The following TXNRD3 variants were observed in gnomAD, a reference collection of about 807,000 sequenced individuals.
TXNRD3 encodes TXNRD3 neighbor gene protein.
Under a neutral mutation model 78.2 loss-of-function variants are expected in TXNRD3, and 68 were observed. The ratio of observed to expected loss-of-function variants is 0.87; its 90% CI spans 0.72 to 1.06. The LOEUF (loss-of-function observed/expected upper bound fraction) is 1.06, where lower values mean the gene tolerates loss of function less well. Ranked by LOEUF, TXNRD3 falls within the 50% of genes least tolerant of loss-of-function variation. The probability of loss-of-function intolerance (pLI) is 0.00; values close to 1 mark genes in which losing one functional copy is unlikely to be tolerated. For missense variants in TXNRD3, 751 were observed against 809.5 expected (o/e 0.93, Z 0.88); for synonymous variants, 296 against 300.1 (o/e 0.99, Z 0.14).
chr3:126,638,000 G>A (rs1165985496), intron 6 of TXNRD3, among the ~76,000 whole-genome samples: 2 of 126,400 alleles, frequency 1.6e-5, no homozygotes, highest in Admixed American at 1.9e-4. Context: ...CTGGAGAGCA[G>A]TGGCATGATC....
chr3:126,647,904 T>A (rs1933279304), intron 1 of TXNRD3, among the ~76,000 whole-genome samples: 1 of 152,192 alleles, frequency 6.6e-6, no homozygotes, highest in Admixed American at 6.5e-5. Flanking sequence ...AAAGGCATCC[T>A]AACTGGAAAA....
chr3:126,608,755 C>A, intron 14 of TXNRD3, 122 bp from the exon 15 acceptor site: 1 of 1,115,630 alleles, frequency 9.0e-7, no homozygotes, highest in Non-Finnish European at 1.2e-6. Flanking sequence ...ACTTCAATGT[C>A]AAAGTGAGCA....
intron 1 of TXNRD3, among the ~76,000 whole-genome samples, chr3:126,654,546 C>T (rs1463289537): frequency 6.6e-6 from 1 of 152,146 alleles, no homozygotes; most frequent in African/African-American, 2.4e-5. Context: ...GTCGAGGTCA[C>T]GCAATTAGGA....
chr3:126,634,126 G>T, intron 6 of TXNRD3, 75 bp from the exon 7 acceptor site: 9 of 1,296,492 alleles, frequency 6.9e-6, no homozygotes, highest in Non-Finnish European at 8.9e-6. Flanking sequence ...AACCACACAT[G>T]AGCCATACTA....
intron 10 of TXNRD3, 59 bp downstream of exon 10, chr3:126,629,320 C>T: frequency 1.7e-6 from 2 of 1,197,440 alleles, no homozygotes; most frequent in South Asian, 3.1e-5. Flanking sequence ...CCATAAGTTT[C>T]ATTTCTGTTA....
intron 1 of TXNRD3, among the ~76,000 whole-genome samples, chr3:126,654,014 T>A (rs966938091): frequency 6.6e-6 from 1 of 151,424 alleles, no homozygotes; most frequent in African/African-American, 2.4e-5. Context: ...TATATATATT[T>A]GGTAAAAATG....
At chr3:126,641,932 G>A in intron 6 of TXNRD3, 100 bp downstream of exon 6, 1 of 1,334,950 alleles carries the variant, frequency 7.5e-7, no homozygotes, top group Non-Finnish European at 9.9e-7. Flanking sequence ...TTCATTAAAT[G>A]AATTACGAAC....
At chr3:126,618,819 A>G (rs1938375852) in intron 12 of TXNRD3, among the ~76,000 whole-genome samples, 2 of 151,136 alleles carry the variant, frequency 1.3e-5, no homozygotes, top group African/African-American at 4.9e-5. Flanking sequence ...TCCATCTGAG[A>G]AGGTGCTAAT....
At chr3:126,625,600 T>C (rs1938561794) in intron 10 of TXNRD3, among the ~76,000 whole-genome samples, 1 of 152,114 alleles carries the variant, frequency 6.6e-6, no homozygotes, top group South Asian at 2.1e-4. Flanking sequence ...TTGTGAATAG[T>C]GCTGCAATAA....
chr3:126,620,546 T>C (rs1938428122), intron 12 of TXNRD3, among the ~76,000 whole-genome samples: 1 of 152,080 alleles, frequency 6.6e-6, no homozygotes, highest in African/African-American at 2.4e-5. Context: ...CACATACACA[T>C]ATTCAGAAAA....
At chr3:126,641,963 A>C in intron 6 of TXNRD3, 69 bp downstream of exon 6, 1 of 1,429,000 alleles carries the variant, frequency 7.0e-7, no homozygotes, top group Non-Finnish European at 9.2e-7. Context: ...AAATATGAAT[A>C]CCAAGTCTTT....
chr3:126,644,080 C>T lies in TXNRD3; in HGVS notation c.520-27G>A, dbSNP rs767346286. 3.4e-5 allele frequency: 52 copies of T among 1,533,436 alleles called. No individual in the cohort carries two copies. In the African/African-American group the frequency reaches 4.9e-4, roughly 15 times the overall value. 95.0% of individuals were successfully genotyped at this position (1,533,436 alleles called of 1,614,324 possible). A position where few individuals can be genotyped will look rare whatever the true frequency, so the allele number is the denominator to read the frequency against. ...TACAAACGAACAACAACAAAAATTA[C>T]GTATAAAGATCTTGTCACTTTCCTG... On this transcript the variant is annotated intron_variant, in intron 4 of 15. Transcript: ENST00000524230.
At position 126,629,402 on chromosome 3, in the gene TXNRD3, T is replaced by A; in HGVS notation, c.1267A>T (p.Thr423Ser). The change falls in exon 10 of 16, where the codon ACA becomes TCA. Residue 423 changes from threonine to serine, a missense_variant. Coordinates refer to ENST00000524230, the MANE Select transcript of TXNRD3 (RefSeq NM_052883.3). Reference sequence around the variant, plus strand: ...ACTGTGTTATAGACTCCTTCAATTGTTTCTGTTCCTTCAGTGGATTTAGCC... The same window carrying A: ...ACTGTGTTATAGACTCCTTCAATTGATTCTGTTCCTTCAGTGGATTTAGCC... 1 of 1,535,578 alleles carries A rather than the reference T, an allele frequency of 6.5e-7. No individual in the cohort carries two copies. Among genetic ancestry groups the A allele is most frequent in the Non-Finnish European group, 8.7e-7 (1 of 1,146,514 alleles).
chr3:126,648,478 G>A (rs563316827), intron 1 of TXNRD3, among the ~76,000 whole-genome samples: 54 of 152,262 alleles, frequency 3.5e-4, no homozygotes, highest in African/African-American at 1.1e-3. Flanking sequence ...AAACAGTGCC[G>A]TACTGGCATA....
intron 1 of TXNRD3, among the ~76,000 whole-genome samples, chr3:126,649,120 T>C (rs977263901): frequency 2.6e-5 from 4 of 152,210 alleles, no homozygotes; most frequent in Non-Finnish European, 5.9e-5. Context: ...ATCTGGATTA[T>C]ATAGAGAACT....
At chr3:126,654,665 CG>C in intron 1 of TXNRD3, 82 bp downstream of exon 1, 1 of 976,042 alleles carries the variant, frequency 1.0e-6, no homozygotes, top group Non-Finnish European at 1.3e-6. Flanking sequence ...GCGGGCGCCC[CG>C]GCCCGGACCC....
intron 10 of TXNRD3, among the ~76,000 whole-genome samples, chr3:126,627,248 C>T (rs1938599944): frequency 6.6e-6 from 1 of 152,178 alleles, no homozygotes; most frequent in Admixed American, 6.5e-5. Context: ...CTGATGCACA[C>T]AACATGGATG....
chr3:126,626,142 C>A (rs551999048), intron 10 of TXNRD3: 15 of 152,148 alleles, frequency 9.9e-5, no homozygotes, highest in African/African-American at 2.7e-4. Context: ...AATTTATTTA[C>A]TAAAAAAATT....
intron 12 of TXNRD3, among the ~76,000 whole-genome samples, chr3:126,618,816 G>A (rs2107612555): frequency 7.3e-6 from 1 of 137,736 alleles, no homozygotes; most frequent in Non-Finnish European, 1.5e-5. Flanking sequence ...CTATCCATCT[G>A]AGAAGGTGCT....
Sources: gnomAD v4.1 joint callset for allele counts (sites outside exome capture counted in the v4.1 genomes callset) on GRCh38, gnomAD v4.1.1 for gene constraint, MANE v1.5 for transcripts, NCBI Gene and HGNC (gene_info 2026-07-23, HGNC 2026-07-21) for gene names.